The following LRP1B variants were observed in gnomAD, a reference collection of about 807,000 sequenced individuals.
LRP1B encodes the protein low-density lipoprotein receptor-related protein 1B.
A neutral mutation model predicts 556.6 loss-of-function variants in LRP1B; 217 were observed. That is an observed-to-expected ratio of 0.39 (90% CI 0.35 to 0.44). The LOEUF is 0.44. LRP1B is among the 20% of genes least tolerant of loss of function. The pLI, the probability that LRP1B is intolerant of heterozygous loss-of-function variation, is 1.00. For synonymous variants in LRP1B, 2,047 were observed against 1,865.8 expected, an observed-to-expected ratio of 1.10 and a Z score of -2.50; for missense variants, 5,053 against 5,620.8, an observed-to-expected ratio of 0.90 and a Z score of 3.23.
chr2:140,514,998 T>C (rs1689829691), intron 50 of LRP1B, among the ~76,000 whole-genome samples: 1 of 152,004 alleles, frequency 6.6e-6, no homozygotes, highest in Non-Finnish European at 1.5e-5. Context: ...ATGATTCTTA[T>C]AAGGCTTGCC....
chr2:141,792,572 G>GAGTTAGCTACTTTCCTAATCGCTA (rs1695651042), intron 2 of LRP1B, among the ~76,000 whole-genome samples: 1 of 152,014 alleles, frequency 6.6e-6, no homozygotes, highest in Non-Finnish European at 1.5e-5. Context: ...TTAATAGACT[G>GAGTTAGCTACTTTCCTAATCGCTA]AGTTAGCTAC....
At chr2:140,251,076 G>T (rs1681392459) in intron 86 of LRP1B, among the ~76,000 whole-genome samples, 1 of 151,704 alleles carries the variant, frequency 6.6e-6, no homozygotes, top group Non-Finnish European at 1.5e-5. Context: ...AGTTTGTGCA[G>T]TTATTGTATA....
At chr2:141,463,442 C>T (rs1241997655) in intron 3 of LRP1B, among the ~76,000 whole-genome samples, 1 of 149,164 alleles carries the variant, frequency 6.7e-6, no homozygotes, top group Non-Finnish European at 1.5e-5. Flanking sequence ...ACCAAATAAC[C>T]TTTGGGAGAA....
At chr2:141,604,514 A>G (rs1473147639) in intron 2 of LRP1B, among the ~76,000 whole-genome samples, 2 of 152,198 alleles carry the variant, frequency 1.3e-5, no homozygotes, top group Non-Finnish European at 1.5e-5. Context: ...GCTACAAGTC[A>G]CATCCATGGA....
At chr2:141,676,420 G>A (rs904131938) in intron 2 of LRP1B, among the ~76,000 whole-genome samples, 5 of 152,038 alleles carry the variant, frequency 3.3e-5, no homozygotes, top group East Asian at 1.9e-4. Context: ...AGGTGCCTTC[G>A]AGAATAGCTC....
Position 140,617,442 on chromosome 2 carries a change from T to A in LRP1B, c.6800-15803A>T, listed in dbSNP as rs368126370. The stretch of plus-strand genomic sequence containing the variant: ...GGAAATAAAAATCAGTGTGTCAATG[T>A]GATCTAGTCAGTGCAGTATTTCTTT... On this transcript the variant is annotated intron_variant, in intron 41 of 90. Coordinates refer to ENST00000389484, the MANE Select transcript of LRP1B (RefSeq NM_018557.3). Among the ~76,000 whole-genome samples the A allele has an allele frequency of 1.6e-3, 244 of 152,132 alleles. 8 individuals are homozygous for A. The South Asian group carries it at 0.042, about 26-fold the overall frequency.
intron 2 of LRP1B, among the ~76,000 whole-genome samples, chr2:141,492,475 G>T (rs1443094897): frequency 6.6e-6 from 1 of 152,112 alleles, no homozygotes; most frequent in Non-Finnish European, 1.5e-5. Flanking sequence ...TGTGTAGAAA[G>T]ATCTGGCATA....
intron 1 of LRP1B, among the ~76,000 whole-genome samples, chr2:142,048,001 C>T (rs545212816): frequency 1.3e-5 from 2 of 152,064 alleles, no homozygotes; most frequent in South Asian, 2.1e-4. Context: ...TAAGTATGAG[C>T]GTATTACCGT....
chr2:141,889,544 T>G (rs1170567455), intron 1 of LRP1B, among the ~76,000 whole-genome samples: 1 of 152,132 alleles, frequency 6.6e-6, no homozygotes, highest in Non-Finnish European at 1.5e-5. Context: ...TTGCAAGTAT[T>G]AAAGAATAGG....
intron 35 of LRP1B, among the ~76,000 whole-genome samples, chr2:140,725,316 A>G (rs1041504119): frequency 2.7e-5 from 4 of 147,206 alleles, no homozygotes; most frequent in Non-Finnish European, 6.0e-5. Context: ...CAATCCAGAT[A>G]TCAAGACCAG....
chr2:141,698,308 C>T (rs184594112), intron 2 of LRP1B, among the ~76,000 whole-genome samples: 2 of 151,684 alleles, frequency 1.3e-5, no homozygotes, highest in Admixed American at 1.3e-4. Context: ...AAAGTTTAGA[C>T]AATTATACAG....
intron 32 of LRP1B, among the ~76,000 whole-genome samples, chr2:140,777,145 G>A (rs573067155): frequency 6.6e-6 from 1 of 152,248 alleles, no homozygotes; most frequent in Admixed American, 6.5e-5. Context: ...AAGAAGAATA[G>A]AATTAATGGC....
At chr2:142,094,582 A>G (rs1318615881) in intron 1 of LRP1B, among the ~76,000 whole-genome samples, 1 of 151,620 alleles carries the variant, frequency 6.6e-6, no homozygotes, top group African/African-American at 2.4e-5. Context: ...AGGGTATAAT[A>G]TTATTAGTTA....
At chr2:142,049,067 T>C (rs1033995904) in intron 1 of LRP1B, among the ~76,000 whole-genome samples, 3 of 152,070 alleles carry the variant, frequency 2.0e-5, no homozygotes, top group Non-Finnish European at 4.4e-5. Flanking sequence ...AAGATCATTT[T>C]CATTAAATGT....
intron 2 of LRP1B, among the ~76,000 whole-genome samples, chr2:141,504,356 C>A (rs1683840615): frequency 6.6e-6 from 1 of 151,926 alleles, no homozygotes; most frequent in Non-Finnish European, 1.5e-5. Flanking sequence ...GCCTTATTTA[C>A]TATGTAATTG....
intron 31 of LRP1B, among the ~76,000 whole-genome samples, chr2:140,832,741 G>T (rs1047543215): frequency 6.6e-6 from 1 of 152,050 alleles, no homozygotes; most frequent in Non-Finnish European, 1.5e-5. Flanking sequence ...GGCTGGAGAA[G>T]GAACAAAGGA....
chr2:140,915,405 T>C (rs1258641314), intron 21 of LRP1B, among the ~76,000 whole-genome samples: 1 of 151,604 alleles, frequency 6.6e-6, no homozygotes, highest in Non-Finnish European at 1.5e-5. Flanking sequence ...TCCCAGCACT[T>C]TGGGAAGCCG....
At chr2:140,256,766 C>T (rs141894320) in intron 86 of LRP1B, among the ~76,000 whole-genome samples, 24 of 151,562 alleles carry the variant, frequency 1.6e-4, no homozygotes, top group African/African-American at 4.8e-4. Context: ...CGCGCCCAAC[C>T]CTTCTTTTTC....
intron 43 of LRP1B, among the ~76,000 whole-genome samples, chr2:140,586,044 C>T (rs1681971027): frequency 6.6e-6 from 1 of 152,042 alleles, no homozygotes; most frequent in South Asian, 2.1e-4. Context: ...AGATGTTTCC[C>T]TTTTTTTCTA....
Sources: gnomAD v4.1 joint callset for allele counts (sites outside exome capture counted in the v4.1 genomes callset) on GRCh38, gnomAD v4.1.1 for gene constraint, MANE v1.5 for transcripts, NCBI Gene and HGNC (gene_info 2026-07-23, HGNC 2026-07-21) for gene names.